The following VPS13B variants were observed in gnomAD, a reference collection of about 807,000 sequenced individuals.
VPS13B encodes the protein intermembrane lipid transfer protein VPS13B.
In VPS13B, 285 loss-of-function variants were observed where a neutral mutation model predicts 426.4. That is an observed-to-expected ratio of 0.67 (90% CI 0.61 to 0.74). VPS13B has a LOEUF of 0.74. Among genes scored for constraint, VPS13B ranks in the 30% least tolerant of loss-of-function variants. The probability of loss-of-function intolerance (pLI) is 0.00; values close to 1 mark genes in which losing one functional copy is unlikely to be tolerated. For synonymous variants in VPS13B, 1,676 were observed against 1,676.4 expected (o/e 1.00, Z 0.01); for missense variants, 4,537 against 4,782.6 (o/e 0.95, Z 1.51).
chr8:99,466,858 C>A (rs569450672), intron 23 of VPS13B, among the ~76,000 whole-genome samples: 1 of 152,086 alleles, frequency 6.6e-6, no homozygotes, highest in Non-Finnish European at 1.5e-5. Flanking sequence ...ATTGTTTATT[C>A]TTTTCCTGTC....
intron 17 of VPS13B, among the ~76,000 whole-genome samples, chr8:99,259,472 G>A (rs1393842918): frequency 2.6e-5 from 4 of 151,956 alleles, no homozygotes; most frequent in Non-Finnish European, 5.9e-5. Flanking sequence ...AGGGAGTGTG[G>A]GCAAGTAGGG....
At position 99,170,099 on chromosome 8, in the gene VPS13B, G is replaced by A. The variant is rs1202638841; in HGVS notation, c.2269G>A (p.Val757Ile). The A allele has an allele frequency of 6.2e-6, 10 of 1,612,832 alleles. No homozygotes were observed. In the South Asian group the frequency reaches 1.1e-4, roughly 18 times the overall value. ...TTGCAGTGGATCTTACTGCTTACCTGTACCAGTTATTCCCTCTTTCAGCAC... is the reference window on the plus strand; with the variant it reads ...TTGCAGTGGATCTTACTGCTTACCTATACCAGTTATTCCCTCTTTCAGCAC... ...LDCSGSYCLPVPVIPSFSTAL... is the reference protein window; with the variant it reads ...LDCSGSYCLPIPVIPSFSTAL... The change falls in exon 16 of 62, where the codon GTA (valine) becomes ATA (isoleucine). Residue 757 changes from valine (V) to isoleucine (I), a missense_variant. By Grantham distance (29) the Val-to-Ile change is conservative. Transcript: ENST00000357162.
intron 3 of VPS13B, among the ~76,000 whole-genome samples, chr8:99,092,396 A>G (rs1846198474): frequency 6.6e-6 from 1 of 152,170 alleles, no homozygotes; most frequent in African/African-American, 2.4e-5. Context: ...ATTATCTTAA[A>G]ATATTTTAGC....
At chr8:99,377,398 A>C (rs899864359) in intron 19 of VPS13B, among the ~76,000 whole-genome samples, 1 of 152,164 alleles carries the variant, frequency 6.6e-6, no homozygotes, top group African/African-American at 2.4e-5. Flanking sequence ...CTTACATCCT[A>C]AACTATCTTG....
intron 29 of VPS13B, among the ~76,000 whole-genome samples, chr8:99,520,166 A>G (rs1563773648): frequency 6.6e-6 from 1 of 152,296 alleles, no homozygotes; most frequent in South Asian, 2.1e-4. Flanking sequence ...GGGATTATTT[A>G]TCATAGTTTT....
chr8:99,698,572 T>G (rs1460212548), intron 35 of VPS13B, among the ~76,000 whole-genome samples: 1 of 152,228 alleles, frequency 6.6e-6, no homozygotes, highest in African/African-American at 2.4e-5. Flanking sequence ...ATATGCCTAA[T>G]AACTTTGCTA....
At chr8:99,819,284 C>A (rs1052162288) in intron 47 of VPS13B, 128 bp from the exon 48 acceptor site, 1 of 1,099,004 alleles carries the variant, frequency 9.1e-7, no homozygotes, top group Non-Finnish European at 1.3e-6. Flanking sequence ...CACACTGTCC[C>A]ATAAATGGAC....
chr8:99,751,649 A>G (rs1810401434), intron 39 of VPS13B, among the ~76,000 whole-genome samples: 1 of 152,208 alleles, frequency 6.6e-6, no homozygotes, highest in Non-Finnish European at 1.5e-5. Flanking sequence ...TAATTAAAAC[A>G]CATTTTTAAA....
chr8:99,015,406 T>C (rs1475310720), intron 2 of VPS13B, among the ~76,000 whole-genome samples: 20 of 150,722 alleles, frequency 1.3e-4, no homozygotes, highest in Admixed American at 1.2e-3. Context: ...TTAGTAGAGA[T>C]GGGGTTTCAC....
At chr8:99,135,367 A>G (rs1810021538) in intron 10 of VPS13B, among the ~76,000 whole-genome samples, 1 of 152,058 alleles carries the variant, frequency 6.6e-6, no homozygotes, top group African/African-American at 2.4e-5. Flanking sequence ...TTTCTTATTC[A>G]TGAATCTTTC....
intron 17 of VPS13B, among the ~76,000 whole-genome samples, chr8:99,243,780 A>G (rs1166387828): frequency 6.6e-6 from 1 of 152,230 alleles, no homozygotes; most frequent in African/African-American, 2.4e-5. Flanking sequence ...TTGCAAGCAT[A>G]TGATTGAAGG....
Position 99,422,338 on chromosome 8 carries a change from T to G in VPS13B, c.3083-9199T>G, listed in dbSNP as rs896074982. Among the ~76,000 whole-genome samples the G allele has an allele frequency of 2.0e-5, 3 of 152,158 alleles. No individual in the cohort carries two copies. In the South Asian group the frequency reaches 6.2e-4, roughly 31 times the overall value. Reference sequence around the variant, plus strand: ...GAGAACATAGTATTTACAAAAAACATGTAGCTGTTTTGGTTAGTGGCGACT... The same window carrying G: ...GAGAACATAGTATTTACAAAAAACAGGTAGCTGTTTTGGTTAGTGGCGACT... On this transcript the variant is annotated intron_variant, in intron 21 of 61. Coordinates refer to ENST00000357162, the MANE Select transcript of VPS13B (RefSeq NM_152564.5).
At chr8:99,595,840 T>A (rs1563815833) in intron 33 of VPS13B, among the ~76,000 whole-genome samples, 1 of 151,998 alleles carries the variant, frequency 6.6e-6, no homozygotes. Context: ...AATTTTTAAA[T>A]GGGCTCAAAG....
At chr8:99,103,732 C>T (rs1045420204) in intron 5 of VPS13B, among the ~76,000 whole-genome samples, 1 of 152,014 alleles carries the variant, frequency 6.6e-6, no homozygotes, top group African/African-American at 2.4e-5. Flanking sequence ...ATCTTTTGAC[C>T]TTGTGATCCA....
At chr8:99,310,138 T>C (rs1588234768) in intron 19 of VPS13B, among the ~76,000 whole-genome samples, 1 of 152,278 alleles carries the variant, frequency 6.6e-6, no homozygotes, top group East Asian at 1.9e-4. Flanking sequence ...ACAGGGACAG[T>C]TTGACTTCCT....
At chr8:99,865,148 C>T (rs993799707) in intron 58 of VPS13B, among the ~76,000 whole-genome samples, 1 of 152,204 alleles carries the variant, frequency 6.6e-6, no homozygotes, top group Non-Finnish European at 1.5e-5. Context: ...CCAAGAGCAA[C>T]GGCTTTTGGA....
intron 19 of VPS13B, among the ~76,000 whole-genome samples, chr8:99,355,473 C>T (rs1414818106): frequency 6.6e-6 from 1 of 152,120 alleles, no homozygotes; most frequent in Non-Finnish European, 1.5e-5. Flanking sequence ...TGCCTGTAAT[C>T]CCAGCTACTC....
intron 21 of VPS13B, among the ~76,000 whole-genome samples, chr8:99,417,945 T>C (rs1182241236): frequency 1.3e-5 from 2 of 152,190 alleles, no homozygotes; most frequent in Admixed American, 1.3e-4. Flanking sequence ...ATATCTTGAA[T>C]TGGTAGAATA....
chr8:99,861,700 CTG>C, intron 57 of VPS13B, 74 bp from the exon 58 acceptor site: 1 of 1,544,250 alleles, frequency 6.5e-7, no homozygotes, highest in Non-Finnish European at 8.8e-7. Context: ...GGTGCTCCCG[CTG>C]CCTCTGAAAC....
Sources: allele counts gnomAD v4.1 joint callset (sites outside exome capture counted in the v4.1 genomes callset), GRCh38; gene constraint gnomAD v4.1.1; transcripts MANE v1.5; gene names NCBI Gene and HGNC (gene_info 2026-07-23, HGNC 2026-07-21).